MGAT4C: variants seen among roughly 807,000 people sequenced by gnomAD.
The protein encoded by MGAT4C is alpha-1,3-mannosyl-glycoprotein 4-beta-N-acetylglucosaminyltransferase C.
In MGAT4C, 19 loss-of-function variants were observed where a neutral mutation model predicts 40.1. The ratio of observed to expected loss-of-function variants is 0.47; its 90% CI spans 0.33 to 0.70. The LOEUF is 0.70. Ranked by LOEUF, MGAT4C falls within the 30% of genes least tolerant of loss-of-function variation. The pLI is 0.02. For missense variants in MGAT4C, 491 were observed against 563.2 expected, an observed-to-expected ratio of 0.87 and a Z score of 1.30; for synonymous variants, 181 against 187.1, an observed-to-expected ratio of 0.97 and a Z score of 0.27.
At chr12:86,379,882 C>G (rs1955897204) in intron 3 of MGAT4C, among the ~76,000 whole-genome samples, 1 of 152,026 alleles carries the variant, frequency 6.6e-6, no homozygotes, top group Non-Finnish European at 1.5e-5. Context: ...ATTCATCTAA[C>G]ATCTCAAAGT....
At chr12:86,602,351 T>A (rs1046033703) in intron 2 of MGAT4C, among the ~76,000 whole-genome samples, 4 of 152,178 alleles carry the variant, frequency 2.6e-5, no homozygotes, top group Non-Finnish European at 5.9e-5. Context: ...GTACTTCTTG[T>A]TAAAGAATGA....
intron 3 of MGAT4C, among the ~76,000 whole-genome samples, chr12:85,984,734 T>C (rs1025366886): frequency 1.3e-5 from 2 of 151,318 alleles, no homozygotes; most frequent in African/African-American, 2.4e-5. Context: ...CTCTCTCTCT[T>C]TTTTTTTCTC....
chr12:86,313,316 A>AT (rs34687545), intron 4 of MGAT4C, among the ~76,000 whole-genome samples: 18,527 of 152,180 alleles, frequency 0.12, 2,864 homozygotes, highest in African/African-American at 0.35. Flanking sequence ...AAAACTCACA[A>AT]TGCAGGTAAG....
At chr12:86,302,137 G>A (rs1953827709) in intron 4 of MGAT4C, among the ~76,000 whole-genome samples, 1 of 150,914 alleles carries the variant, frequency 6.6e-6, no homozygotes, top group South Asian at 2.1e-4. Flanking sequence ...CAGAATCAGT[G>A]TTTTGCTCCA....
intron 1 of MGAT4C, among the ~76,000 whole-genome samples, chr12:86,791,929 G>A (rs941902375): frequency 1.6e-4 from 25 of 152,226 alleles, no homozygotes; most frequent in African/African-American, 6.0e-4. Context: ...CACAGGCATT[G>A]TGGGTCCTCA....
At chr12:86,098,832 G>A (rs1874406620) in intron 1 of MGAT4C, among the ~76,000 whole-genome samples, 1 of 151,326 alleles carries the variant, frequency 6.6e-6, no homozygotes, top group Admixed American at 6.6e-5. Flanking sequence ...TATATACTAA[G>A]CTAATTTTAT....
At position 85,959,714 on chromosome 12, in the gene MGAT4C, T is replaced by A. The variant is rs1204433301; in HGVS notation, c.*19575A>T. On this transcript the variant is annotated 3_prime_UTR_variant, in exon 5 of 5. Transcript: ENST00000611864. ...TTCTCACTTTTTTCTGCTTTTTTTT[T>A]TTTTTTATTTTCTGCTTGCTGAAAT... 6.6e-6 allele frequency: 1 copy of A among 151,788 alleles called. No homozygotes were observed. The highest frequency in any genetic ancestry group is 1.5e-5 in the Non-Finnish European group (1 of 67,886). 9.4% of individuals were successfully genotyped at this position (151,788 alleles called of 1,614,324 possible).
At chr12:86,665,413 G>C (rs1253391434) in intron 2 of MGAT4C, among the ~76,000 whole-genome samples, 2 of 151,442 alleles carry the variant, frequency 1.3e-5, no homozygotes, top group African/African-American at 4.9e-5. Context: ...GCCTTGCTCT[G>C]TCACCTCGGC....
At chr12:86,442,765 C>T (rs1353740547) in intron 2 of MGAT4C, among the ~76,000 whole-genome samples, 2 of 94,552 alleles carry the variant, frequency 2.1e-5, no homozygotes, top group African/African-American at 6.7e-5. Context: ...GAGCAAAACT[C>T]TGTCTCAAAA....
At chr12:86,392,880 T>G (rs1486182472) in intron 3 of MGAT4C, among the ~76,000 whole-genome samples, 1 of 152,218 alleles carries the variant, frequency 6.6e-6, no homozygotes, top group African/African-American at 2.4e-5. Context: ...AATCATATGA[T>G]TATTGATCCA....
chr12:86,038,147 G>A lies in MGAT4C; in HGVS notation c.-7+11527C>T, dbSNP rs996445088. Among the ~76,000 whole-genome samples the A allele has an allele frequency of 9.3e-5, 14 of 149,866 alleles. 2 individuals are homozygous for A. The South Asian group carries it at 2.9e-3, about 32-fold the overall frequency. On this transcript the variant is annotated intron_variant, in intron 2 of 4. Coordinates refer to ENST00000611864, the MANE Select transcript of MGAT4C (RefSeq NM_001351288.2). ...GTGGGGGTCGAAAGGGCAAGTGCAT[G>A]ATCTACAGGTGTGATGGTTTAGCAT...
chr12:86,569,593 T>C (rs1266076110), intron 2 of MGAT4C, among the ~76,000 whole-genome samples: 1 of 152,102 alleles, frequency 6.6e-6, no homozygotes, highest in African/African-American at 2.4e-5. Flanking sequence ...TTGCTATGAG[T>C]GTTAATTATC....
chr12:86,267,770 A>G (rs1370183708), intron 4 of MGAT4C, among the ~76,000 whole-genome samples: 1 of 152,266 alleles, frequency 6.6e-6, no homozygotes, highest in South Asian at 2.1e-4. Flanking sequence ...TTTTAAAGTA[A>G]AAATTTAGAC....
intron 2 of MGAT4C, among the ~76,000 whole-genome samples, chr12:86,041,265 A>C (rs1891808569): frequency 6.6e-6 from 1 of 151,994 alleles, no homozygotes; most frequent in South Asian, 2.1e-4. Flanking sequence ...TCTCTCAAAA[A>C]ACAAATTCCT....
intron 1 of MGAT4C, among the ~76,000 whole-genome samples, chr12:86,770,107 T>A (rs2136167068): frequency 6.6e-6 from 1 of 152,244 alleles, no homozygotes; most frequent in Non-Finnish European, 1.5e-5. Context: ...TCTTATGATC[T>A]GATGAGGATG....
At chr12:86,021,504 C>CGGTG (rs1446078974) in intron 2 of MGAT4C, among the ~76,000 whole-genome samples, 1 of 147,630 alleles carries the variant, frequency 6.8e-6, no homozygotes, top group Non-Finnish European at 1.5e-5. Context: ...AACCAAACAC[C>CGGTG]GCATGTTCTT....
At chr12:86,825,024 C>T (rs759522301) in intron 1 of MGAT4C, among the ~76,000 whole-genome samples, 6 of 151,298 alleles carry the variant, frequency 4.0e-5, no homozygotes, top group African/African-American at 7.2e-5. Flanking sequence ...AAGGTCAACA[C>T]GAGTCAATCA....
intron 1 of MGAT4C, among the ~76,000 whole-genome samples, chr12:86,200,113 A>G (rs1949984630): frequency 7.5e-6 from 1 of 132,846 alleles, no homozygotes; most frequent in African/African-American, 2.6e-5. Flanking sequence ...CAATGGCACA[A>G]ATAGTATGTA....
intron 1 of MGAT4C, among the ~76,000 whole-genome samples, chr12:86,806,447 T>TGA (rs1327303944): frequency 1.9e-3 from 143 of 74,624 alleles, no homozygotes; most frequent in African/African-American, 4.6e-3. Flanking sequence ...TGTGTGTGTG[T>TGA]GTGAGAGAGA....
Sources: allele counts gnomAD v4.1 joint callset (sites outside exome capture counted in the v4.1 genomes callset), GRCh38; gene constraint gnomAD v4.1.1; transcripts MANE v1.5; gene names NCBI Gene and HGNC (gene_info 2026-07-23, HGNC 2026-07-21).